TPH2: variants seen among roughly 807,000 people sequenced by gnomAD.
TPH2 encodes the protein tryptophan hydroxylase 2.
Under a neutral mutation model 59.1 loss-of-function variants are expected in TPH2, and 27 were observed. The observed-to-expected ratio is 0.46, with a 90% CI of 0.34 to 0.63. TPH2 has a LOEUF of 0.63. TPH2 is among the 30% of genes least tolerant of loss of function. The pLI, the probability that TPH2 is intolerant of heterozygous loss-of-function variation, is 0.01. For missense variants in TPH2, 523 were observed against 588.3 expected, an observed-to-expected ratio of 0.89 and a Z score of 1.15; for synonymous variants, 220 against 210.5, an observed-to-expected ratio of 1.05 and a Z score of -0.39.
chr12:72,004,134 A>C (rs1036086732), intron 8 of TPH2, among the ~76,000 whole-genome samples: 2 of 143,580 alleles, frequency 1.4e-5, no homozygotes, highest in South Asian at 5.3e-4. Flanking sequence ...GATGTACAGT[A>C]TGTGGTGTGG....
chr12:72,001,836 G>A (rs1872831415), intron 8 of TPH2, among the ~76,000 whole-genome samples: 1 of 151,262 alleles, frequency 6.6e-6, no homozygotes, highest in Non-Finnish European at 1.5e-5. Flanking sequence ...TTTTTTTTTA[G>A]AGGGAAAAGA....
rs778838464 is a variant in TPH2, at chr12:71,972,727, C to T, written c.805+12C>T. Reference sequence around the variant, plus strand: ...CATGTTTCTGAAAGGTAAGATTTCACACAGGCTGTCTCTTATTAGTCAATA... The same window carrying T: ...CATGTTTCTGAAAGGTAAGATTTCATACAGGCTGTCTCTTATTAGTCAATA... On this transcript the variant is annotated intron_variant, in intron 6 of 10. Transcript: ENST00000333850. 1.2e-6 allele frequency: 2 copies of T among 1,612,250 alleles called. No individual in the cohort carries two copies. The highest frequency in any genetic ancestry group is 1.7e-6 in the Non-Finnish European group (2 of 1,179,438).
chr12:71,951,410 G>C (rs368642949), intron 5 of TPH2, among the ~76,000 whole-genome samples: 39 of 152,282 alleles, frequency 2.6e-4, no homozygotes, highest in African/African-American at 9.1e-4. Context: ...TCAATGCCTG[G>C]CAGAGCCTTT....
At chr12:72,013,941 C>A (rs139798021) in intron 8 of TPH2, among the ~76,000 whole-genome samples, 89 of 152,120 alleles carry the variant, frequency 5.9e-4, no homozygotes, top group Middle Eastern at 3.4e-3. Context: ...CTTCACCTTT[C>A]CAACAGCTTT....
intron 5 of TPH2, 141 bp downstream of exon 5, chr12:71,949,796 C>CA: frequency 1.4e-6 from 1 of 692,664 alleles, no homozygotes; most frequent in Non-Finnish European, 2.6e-6. Context: ...ACTCTGTAGG[C>CA]TTTAAATGCC....
At chr12:72,031,193 G>A in intron 9 of TPH2, 65 bp from the exon 10 acceptor site, 2 of 1,603,642 alleles carry the variant, frequency 1.2e-6, no homozygotes, top group Non-Finnish European at 1.7e-6. Flanking sequence ...TTGTAAAAAT[G>A]TGATGTCATG....
chr12:71,944,226 C>T, intron 2 of TPH2, 68 bp from the exon 3 acceptor site: 1 of 1,567,810 alleles, frequency 6.4e-7, no homozygotes. Context: ...AAGATGTGAA[C>T]AAGAAAAGCT....
chr12:71,991,313 A>G (rs1872575279), intron 7 of TPH2, among the ~76,000 whole-genome samples: 1 of 152,200 alleles, frequency 6.6e-6, no homozygotes, highest in Non-Finnish European at 1.5e-5. Flanking sequence ...TCAAAGGTAA[A>G]TTCTGTACTG....
intron 8 of TPH2, among the ~76,000 whole-genome samples, chr12:72,006,160 G>A (rs1005239652): frequency 2.0e-5 from 3 of 152,076 alleles, no homozygotes; most frequent in Non-Finnish European, 2.9e-5. Flanking sequence ...CAGGTTTTGG[G>A]GTTAACTTAC....
In TPH2 at chr12:72,031,912, T is replaced by C; in HGVS notation, c.*217T>C. The C allele has an allele frequency of 1.7e-6, 1 of 581,426 alleles. No individual in the cohort carries two copies. Among genetic ancestry groups the C allele is most frequent in the East Asian group, 3.0e-5 (1 of 33,094 alleles). 36.0% of individuals were successfully genotyped at this position (581,426 alleles called of 1,614,324 possible). A position where few individuals can be genotyped will look rare whatever the true frequency, so the allele number is the denominator to read the frequency against. Reference sequence around the variant, plus strand: ...ACTCATTGTATGAAATAACGTATTATGTTTAAACATCTTAAAAAGATTTGA... The same window carrying C: ...ACTCATTGTATGAAATAACGTATTACGTTTAAACATCTTAAAAAGATTTGA... On this transcript the variant is annotated 3_prime_UTR_variant, in exon 11 of 11. Coordinates refer to ENST00000333850, the MANE Select transcript of TPH2 (RefSeq NM_173353.4).
At chr12:72,015,578 C>G (rs1873225513) in intron 8 of TPH2, among the ~76,000 whole-genome samples, 1 of 152,050 alleles carries the variant, frequency 6.6e-6, no homozygotes, top group Admixed American at 6.5e-5. Context: ...GTCGGTCTCC[C>G]AAAGTGCTGG....
At chr12:71,970,659 A>C (rs1355708180) in intron 5 of TPH2, among the ~76,000 whole-genome samples, 1 of 152,242 alleles carries the variant, frequency 6.6e-6, no homozygotes, top group African/African-American at 2.4e-5. Flanking sequence ...GACCATTTAT[A>C]TACTTATTTC....
intron 5 of TPH2, among the ~76,000 whole-genome samples, chr12:71,970,797 C>G (rs908313813): frequency 6.6e-6 from 1 of 152,194 alleles, no homozygotes; most frequent in African/African-American, 2.4e-5. Flanking sequence ...TATTTGTTAT[C>G]AACAGCCAAA....
chr12:72,006,056 A>T (rs1359131354), intron 8 of TPH2, among the ~76,000 whole-genome samples: 2 of 152,100 alleles, frequency 1.3e-5, no homozygotes, highest in African/African-American at 4.8e-5. Context: ...AACAGGGTGA[A>T]CTCTACTATA....
rs1323231029 is a variant in TPH2 at position 72,031,718 on chromosome 12, A to G, written c.*23A>G. On this transcript the variant is annotated 3_prime_UTR_variant, in exon 11 of 11. Transcript: ENST00000333850. The stretch of plus-strand genomic sequence containing the variant: ...TGATGCCTGGAACTATGTTGTTGCC[A>G]GCATGATCTTTTTGGGGCTTAGCAG... 10 of 1,612,954 alleles carry G rather than the reference A, an allele frequency of 6.2e-6. No homozygotes were observed. In the East Asian group the frequency reaches 2.2e-4, roughly 36 times the overall value.
intron 7 of TPH2, among the ~76,000 whole-genome samples, chr12:71,983,952 G>A (rs913847159): frequency 8.5e-5 from 13 of 152,138 alleles, no homozygotes; most frequent in African/African-American, 2.2e-4. Context: ...TATCACTGGC[G>A]GCTAGCTTGG....
intron 6 of TPH2, among the ~76,000 whole-genome samples, chr12:71,973,109 A>T (rs751719011): frequency 8.5e-5 from 13 of 152,302 alleles, no homozygotes; most frequent in Admixed American, 2.6e-4. Flanking sequence ...GATAATGTTG[A>T]ATATTAGTGA....
chr12:72,030,381 A>C (rs1056040282), intron 9 of TPH2, among the ~76,000 whole-genome samples: 5 of 152,276 alleles, frequency 3.3e-5, no homozygotes, highest in South Asian at 4.1e-4. Context: ...AGTGATTCTT[A>C]TGCACATTGC....
chr12:72,022,593 T>G, intron 9 of TPH2, 99 bp downstream of exon 9: 4 of 969,926 alleles, frequency 4.1e-6, no homozygotes, highest in South Asian at 4.0e-5. Context: ...TCACAGATAC[T>G]CCATAAATAT....
Sources: gnomAD v4.1 joint callset for allele counts (sites outside exome capture counted in the v4.1 genomes callset) on GRCh38, gnomAD v4.1.1 for gene constraint, MANE v1.5 for transcripts, NCBI Gene and HGNC (gene_info 2026-07-23, HGNC 2026-07-21) for gene names.